Variants in KIAA2012 observed in about 807,000 individuals in gnomAD.
KIAA2012 encodes uncharacterized protein KIAA2012.
In KIAA2012, 125 loss-of-function variants were observed where a neutral mutation model predicts 150.6. The observed-to-expected ratio is 0.83, with a 90% CI of 0.72 to 0.96. The LOEUF (loss-of-function observed/expected upper bound fraction) is 0.96. Ranked by LOEUF, KIAA2012 falls within the 40% of genes least tolerant of loss-of-function variation. The pLI is 0.00. For synonymous variants in KIAA2012, 462 were observed against 504.7 expected (o/e 0.92, Z 1.13); for missense variants, 1,219 against 1,354.9 (o/e 0.90, Z 1.57).
chr2:202,179,676 T>C, intron 15 of KIAA2012: 1 of 660,448 alleles, frequency 1.5e-6, no homozygotes, highest in Non-Finnish European at 2.9e-6. Context: ...GTGGTGTTTG[T>C]CCATTTGGAG....
In KIAA2012 at chr2:202,090,905, G is replaced by T; in HGVS notation, c.505G>T (p.Ala169Ser). 1 of 1,550,172 alleles carries T rather than the reference G, an allele frequency of 6.5e-7. No homozygotes were observed. Among genetic ancestry groups the T allele is most frequent in the Non-Finnish European group, 8.7e-7 (1 of 1,146,690 alleles). ...RGLLRTWPPD[A>S]MYRLWCAGYI... ...CCTCCTGCGGACTTGGCCCCCAGAC[G>T]CCATGTATAGGCTCTGGTGCGCAGG... is the stretch of plus-strand genomic sequence containing the variant. The change falls in exon 3 of 24, where the codon GCC becomes TCC. Residue 169 changes from alanine to serine, a missense_variant. Coordinates refer to ENST00000498697, the MANE Select transcript of KIAA2012 (RefSeq NM_001277372.4).
At chr2:202,094,971 C>T (rs957508121) in intron 4 of KIAA2012, among the ~76,000 whole-genome samples, 13 of 152,114 alleles carry the variant, frequency 8.5e-5, no homozygotes, top group South Asian at 2.1e-4. Flanking sequence ...CCATTAGCAC[C>T]GATTCCAAGC....
chr2:202,125,934 GCTTT>G lies in KIAA2012; in HGVS notation c.1831+653_1831+656del. ...AGAAATGTGAGTGGTGTTCCTGGCT[GCTTT>G]TTTTTTTTTTTTTTTTTTTTTTTTT... On this transcript the variant is annotated intron_variant, in intron 12 of 23. Coordinates refer to ENST00000498697, the MANE Select transcript of KIAA2012 (RefSeq NM_001277372.4). 7.4e-5 allele frequency: 13 copies of G among 175,956 alleles called. No homozygotes were observed. The East Asian group carries it at 7.6e-4, about 10-fold the overall frequency. The allele number at this position is 175,956 out of a possible 1,614,324, so 10.9% of individuals were successfully genotyped here.
At chr2:202,120,647 C>T (rs1224911428) in intron 11 of KIAA2012, among the ~76,000 whole-genome samples, 2 of 152,144 alleles carry the variant, frequency 1.3e-5, no homozygotes, top group African/African-American at 2.4e-5. Context: ...TATTTCCTTA[C>T]GTTCCACTCA....
Position 202,097,572 on chromosome 2 carries a change from G to A in KIAA2012, c.823G>A (p.Ala275Thr). 1 of 1,538,928 alleles carries A rather than the reference G, an allele frequency of 6.5e-7. No individual in the cohort carries two copies. Among genetic ancestry groups the A allele is most frequent in the Non-Finnish European group, 8.7e-7 (1 of 1,143,934 alleles). The change falls in exon 5 of 24, where the codon GCA becomes ACA. Residue 275 changes from alanine to threonine, a missense_variant. By Grantham distance (58) the Ala-to-Thr change is moderately conservative. Coordinates refer to ENST00000498697, the MANE Select transcript of KIAA2012 (RefSeq NM_001277372.4). ...GCCCTGGCAGGAAGATGAAACGCAG[G>A]CAGAGGTACCATTTCTTTTTTTTTT... ...KQPWQEDETQAEDTSIENHLC... is the reference protein window; with the variant it reads ...KQPWQEDETQTEDTSIENHLC...
chr2:202,151,010 G>A (rs1247113982), intron 13 of KIAA2012, among the ~76,000 whole-genome samples: 1 of 152,156 alleles, frequency 6.6e-6, no homozygotes, highest in Non-Finnish European at 1.5e-5. Context: ...GCCTCATGGG[G>A]TCAAGGATGG....
intron 8 of KIAA2012, among the ~76,000 whole-genome samples, chr2:202,105,295 A>G (rs1690155993): frequency 6.6e-6 from 1 of 151,724 alleles, no homozygotes; most frequent in Admixed American, 6.6e-5. Flanking sequence ...GGAAGGAAGG[A>G]AGGAATTTGT....
chr2:202,187,314 T>C (rs1378871418), intron 17 of KIAA2012, among the ~76,000 whole-genome samples: 1 of 152,050 alleles, frequency 6.6e-6, no homozygotes, highest in Non-Finnish European at 1.5e-5. Context: ...CTAATTCCTT[T>C]TTTTTTTGGA....
intron 11 of KIAA2012, among the ~76,000 whole-genome samples, chr2:202,120,312 G>A (rs1690626848): frequency 6.6e-6 from 1 of 152,078 alleles, no homozygotes; most frequent in Non-Finnish European, 1.5e-5. Flanking sequence ...GGAAGTCAAG[G>A]CTGCAGTGAG....
At chr2:202,201,017 A>G (rs568443089) in intron 22 of KIAA2012, among the ~76,000 whole-genome samples, 1 of 152,222 alleles carries the variant, frequency 6.6e-6, no homozygotes, top group South Asian at 2.1e-4. Flanking sequence ...TAATTTGGCA[A>G]CTTTAATTCT....
Position 202,093,076 on chromosome 2 carries a change from A to G in KIAA2012, c.576A>G (p.Val192=). 6.4e-7 allele frequency: 1 copy of G among 1,550,764 alleles called. No individual in the cohort carries two copies. The highest frequency in any genetic ancestry group is 8.7e-7 in the Non-Finnish European group (1 of 1,146,982). The change falls in exon 4 of 24, where the codon GTA becomes GTG. Residue 192 remains valine, a synonymous_variant. Coordinates refer to ENST00000498697, the MANE Select transcript of KIAA2012 (RefSeq NM_001277372.4). ...TACTCCAGGACAGTCAACTTAATGT[A>G]CCAAAGAAGCTCAGGCCACAACAAG... is the stretch of plus-strand genomic sequence containing the variant. The part of the protein sequence containing the change: ...SVLLQDSQLN[V]PKKLRPQQDL...
intron 5 of KIAA2012, among the ~76,000 whole-genome samples, chr2:202,098,789 CGTGT>C (rs10536026): frequency 0.02 from 2,909 of 148,498 alleles, 62 homozygotes; most frequent in African/African-American, 0.048. Flanking sequence ...ACTCTAAGGC[CGTGT>C]GTGTGTGTGT....
chr2:202,117,544 A>C (rs548438755), intron 11 of KIAA2012, among the ~76,000 whole-genome samples: 1 of 152,314 alleles, frequency 6.6e-6, no homozygotes, highest in South Asian at 2.1e-4. Context: ...TGTGAGGAAG[A>C]AGAAAAAACT....
At chr2:202,167,456 G>A (rs1272415696) in intron 15 of KIAA2012, among the ~76,000 whole-genome samples, 2 of 152,158 alleles carry the variant, frequency 1.3e-5, no homozygotes, top group South Asian at 2.1e-4. Context: ...GTTTTGAATC[G>A]CTGCCCTGGG....
At chr2:202,203,278 A>T (rs1284667027) in intron 23 of KIAA2012, among the ~76,000 whole-genome samples, 1 of 152,208 alleles carries the variant, frequency 6.6e-6, no homozygotes, top group Non-Finnish European at 1.5e-5. Flanking sequence ...TAATGCAGAG[A>T]AATTTATATA....
At chr2:202,134,198 G>T (rs116693293) in intron 12 of KIAA2012, among the ~76,000 whole-genome samples, 365 of 152,302 alleles carry the variant, frequency 2.4e-3, no homozygotes, top group African/African-American at 8.2e-3. Flanking sequence ...ATGAAACATT[G>T]CAAGTTATGG....
rs11288166 is a variant in KIAA2012 at position 202,097,587 on chromosome 2, CTTTTT to C, written c.828+22_828+26del. 21 of 1,418,864 alleles carry C rather than the reference CTTTTT, an allele frequency of 1.5e-5. No individual in the cohort carries two copies. Among genetic ancestry groups the C allele is most frequent in the East Asian group, 5.1e-5 (2 of 39,052 alleles). 87.9% of individuals were successfully genotyped at this position (1,418,864 alleles called of 1,614,324 possible). A position where few individuals can be genotyped will look rare whatever the true frequency, so the allele number is the denominator to read the frequency against. Reference sequence around the variant, plus strand: ...TGAAACGCAGGCAGAGGTACCATTTCTTTTTTTTTTTTTTTTCCCCGAGACGGAGT... The same window carrying C: ...TGAAACGCAGGCAGAGGTACCATTTCTTTTTTTTTTTCCCCGAGACGGAGT... On this transcript the variant is annotated intron_variant, in intron 5 of 23. Transcript: ENST00000498697.
rs1691850285 is a variant in KIAA2012, at chr2:202,169,894, C to A, written c.2119+4538C>A. On this transcript the variant is annotated intron_variant, in intron 15 of 23. Coordinates refer to ENST00000498697, the MANE Select transcript of KIAA2012 (RefSeq NM_001277372.4). ...GCGGATTGCTTCTCTGGGCCTTGGT[C>A]TCCTTTCCCATAAACCAAGGAGGTC... Among the ~76,000 whole-genome samples the A allele has an allele frequency of 5.3e-5, 8 of 152,174 alleles. No homozygotes were observed. In the South Asian group the frequency reaches 1.7e-3, roughly 31 times the overall value.
chr2:202,113,584 G>A (rs973136786), intron 11 of KIAA2012, 138 bp downstream of exon 11: 8 of 609,820 alleles, frequency 1.3e-5, no homozygotes, highest in Middle Eastern at 2.6e-4. Flanking sequence ...CCCTTTCACC[G>A]ACACAGAGGT....
Sources: gnomAD v4.1 joint callset for allele counts (sites outside exome capture counted in the v4.1 genomes callset) on GRCh38, gnomAD v4.1.1 for gene constraint, MANE v1.5 for transcripts, NCBI Gene and HGNC (gene_info 2026-07-23, HGNC 2026-07-21) for gene names.